Variants in WASF2 observed in about 807,000 individuals in gnomAD.
The protein encoded by WASF2 is actin-binding protein WASF2.
A neutral mutation model predicts 45.0 loss-of-function variants in WASF2; 14 were observed. The observed-to-expected ratio is 0.31, with a 90% CI of 0.21 to 0.49. The LOEUF (loss-of-function observed/expected upper bound fraction) is 0.49. Among genes scored for constraint, WASF2 ranks in the 20% least tolerant of loss-of-function variants. WASF2 has a pLI of 0.99. For synonymous variants in WASF2, 200 were observed against 236.3 expected, an observed-to-expected ratio of 0.85 and a Z score of 1.41; for missense variants, 439 against 636.1, an observed-to-expected ratio of 0.69 and a Z score of 3.33.
chr1:27,481,850 C>A (rs948532938), intron 1 of WASF2, among the ~76,000 whole-genome samples: 1 of 152,186 alleles, frequency 6.6e-6, no homozygotes, highest in Admixed American at 6.5e-5. Context: ...AAAGAAATAT[C>A]ACAGGCAAAG....
At chr1:27,443,834 AG>A (rs372255234) in intron 1 of WASF2, among the ~76,000 whole-genome samples, 33 of 150,936 alleles carry the variant, frequency 2.2e-4, no homozygotes, top group African/African-American at 2.9e-4. Context: ...GCTGGAGTGC[AG>A]GGGGGGGTGA....
At chr1:27,456,539 C>T (rs1571150120) in intron 1 of WASF2, among the ~76,000 whole-genome samples, 2 of 152,048 alleles carry the variant, frequency 1.3e-5, no homozygotes, top group East Asian at 1.9e-4. Flanking sequence ...GGGACAACAA[C>T]ATGGAAAGTG....
At chr1:27,462,030 T>C (rs1309397077) in intron 1 of WASF2, among the ~76,000 whole-genome samples, 2 of 149,050 alleles carry the variant, frequency 1.3e-5, no homozygotes, top group Non-Finnish European at 3.0e-5. Flanking sequence ...CAGGCTGGAG[T>C]GCAGTGGTGC....
chr1:27,433,686 T>C (rs1488162839), intron 1 of WASF2, among the ~76,000 whole-genome samples: 1 of 152,102 alleles, frequency 6.6e-6, no homozygotes, highest in Non-Finnish European at 1.5e-5. Flanking sequence ...AAATATGAAC[T>C]GAGAAACTAG....
At chr1:27,452,242 C>A (rs1269005236) in intron 1 of WASF2, among the ~76,000 whole-genome samples, 1 of 152,212 alleles carries the variant, frequency 6.6e-6, no homozygotes, top group African/African-American at 2.4e-5. Context: ...AGGCTGCGCG[C>A]CGTGGCTCAC....
At chr1:27,415,057 T>G in intron 5 of WASF2, 94 bp from the exon 6 acceptor site, 1 of 1,471,890 alleles carries the variant, frequency 6.8e-7, no homozygotes, top group Admixed American at 1.8e-5. Context: ...ATCTAAGAGA[T>G]AATCTGCCTA....
At chr1:27,444,088 T>C (rs1015598826) in intron 1 of WASF2, among the ~76,000 whole-genome samples, 4 of 152,148 alleles carry the variant, frequency 2.6e-5, no homozygotes, top group Non-Finnish European at 4.4e-5. Flanking sequence ...CTTAGTTGTT[T>C]TTATTTTTTT....
chr1:27,473,134 A>C (rs2017714845), intron 1 of WASF2, among the ~76,000 whole-genome samples: 1 of 152,150 alleles, frequency 6.6e-6, no homozygotes, highest in African/African-American at 2.4e-5. Context: ...ATACAATAAA[A>C]GGACAAATAA....
chr1:27,454,187 A>ATTTTTTTTTT (rs869057863), intron 1 of WASF2, among the ~76,000 whole-genome samples: 1 of 12,774 alleles, frequency 7.8e-5, no homozygotes, highest in African/African-American at 2.1e-4. Context: ...ATATATATAT[A>ATTTTTTTTTT]TTTTTTTTTT....
At chr1:27,472,798 CAAA>C (rs200312302) in intron 1 of WASF2, among the ~76,000 whole-genome samples, 13 of 125,524 alleles carry the variant, frequency 1.0e-4, no homozygotes, top group South Asian at 2.4e-4. Flanking sequence ...CCATCTTTAC[CAAA>C]AAAAAAAAAA....
At position 27,408,279 on chromosome 1, in the gene WASF2, C is replaced by T. The variant is rs768300508; in HGVS notation, c.1407G>A (p.Val469=). Reference sequence around the variant, plus strand: ...CAATGCGACGAGACAAGATGGTGGCCACGTCATTGCCCACAACATCCCGCT... The same window carrying T: ...CAATGCGACGAGACAAGATGGTGGCTACGTCATTGCCCACAACATCCCGCT... The part of the protein sequence containing the change: ...QEKRDVVGND[V]ATILSRRIAV... The change falls in exon 9 of 9, where the codon GTG becomes GTA. Residue 469 remains valine (V), a synonymous_variant. Transcript: ENST00000618852. The T allele has an allele frequency of 1.9e-6, 3 of 1,614,170 alleles. No individual in the cohort carries two copies. The highest frequency in any genetic ancestry group is 3.3e-5 in the Admixed American group (2 of 60,022).
At chr1:27,462,578 T>A (rs2017560745) in intron 1 of WASF2, among the ~76,000 whole-genome samples, 1 of 152,104 alleles carries the variant, frequency 6.6e-6, no homozygotes, top group African/African-American at 2.4e-5. Flanking sequence ...AGAGCTGGTA[T>A]GACAGGCATG....
intron 1 of WASF2, chr1:27,459,275 C>T (rs2017514674): frequency 6.6e-6 from 1 of 152,208 alleles, no homozygotes; most frequent in South Asian, 2.1e-4. Flanking sequence ...ATCCTCCTGC[C>T]TCAGCCTCCC....
intron 1 of WASF2, among the ~76,000 whole-genome samples, chr1:27,441,482 G>C (rs188925947): frequency 6.6e-6 from 1 of 151,894 alleles, no homozygotes; most frequent in Non-Finnish European, 1.5e-5. Flanking sequence ...GGCCGGGCGC[G>C]GTGGCTCACG....
At chr1:27,486,822 G>A (rs1055210727) in intron 1 of WASF2, among the ~76,000 whole-genome samples, 11 of 151,888 alleles carry the variant, frequency 7.2e-5, no homozygotes, top group African/African-American at 2.7e-4. Context: ...TACTTGGGAG[G>A]CTGAGGCAGG....
rs143957222 is a variant in WASF2 at position 27,473,034 on chromosome 1, T to G, written c.-44+16952A>C. ...AATTGTGCTTTATAGGGCATGATCA[T>G]GAAAAGTGAAAAGACAACCCACAGA... On this transcript the variant is annotated intron_variant, in intron 1 of 8. Coordinates refer to ENST00000618852, the MANE Select transcript of WASF2 (RefSeq NM_006990.5). Among the ~76,000 whole-genome samples, 229 of 147,072 alleles carry G rather than the reference T, an allele frequency of 1.6e-3. 2 individuals are homozygous for G. The highest frequency in any genetic ancestry group is 6.9e-3 in the Middle Eastern group (2 of 290).
chr1:27,413,524 T>C (rs566378187), intron 6 of WASF2, among the ~76,000 whole-genome samples: 2 of 152,146 alleles, frequency 1.3e-5, no homozygotes, highest in African/African-American at 4.8e-5. Flanking sequence ...TGGAGAAAAC[T>C]AACTGAATCA....
chr1:27,425,017 G>A (rs1195862682), intron 2 of WASF2, among the ~76,000 whole-genome samples: 1 of 152,214 alleles, frequency 6.6e-6, no homozygotes, highest in Non-Finnish European at 1.5e-5. Flanking sequence ...GCACTGTATG[G>A]ACATATGAGA....
At chr1:27,451,557 G>C (rs2017383655) in intron 1 of WASF2, among the ~76,000 whole-genome samples, 1 of 152,278 alleles carries the variant, frequency 6.6e-6, no homozygotes, top group East Asian at 1.9e-4. Context: ...ATTTAAGATT[G>C]AGGCCAGAGA....
Sources: allele counts gnomAD v4.1 joint callset (sites outside exome capture counted in the v4.1 genomes callset), GRCh38; gene constraint gnomAD v4.1.1; transcripts MANE v1.5; gene names NCBI Gene and HGNC (gene_info 2026-07-23, HGNC 2026-07-21).